FHL1: variants seen among roughly 807,000 people sequenced by gnomAD.
The protein encoded by FHL1 is four and a half LIM domains 1.
In FHL1, 1 loss-of-function variant was observed where a neutral mutation model predicts 20.3. The observed-to-expected ratio is 0.05, with a 90% CI of 0.02 to 0.23. The LOEUF (loss-of-function observed/expected upper bound fraction) is 0.23. FHL1 is among the 10% of genes least tolerant of loss of function. The pLI, the probability that FHL1 is intolerant of heterozygous loss-of-function variation, is 1.00. For missense variants in FHL1, 177 were observed against 234.0 expected (o/e 0.76, Z 1.59); for synonymous variants, 82 against 88.9 (o/e 0.92, Z 0.44).
chrX:136,206,223 G>A (rs1255281689), intron 1 of FHL1, 184 bp from the exon 2 acceptor site: 8 of 531,525 alleles, frequency 1.5e-5, no homozygotes, highest in Non-Finnish European at 2.3e-5. Context: ...TTTGTTCCTG[G>A]AATCATAGTG....
At chrX:136,182,087 T>C (rs756890309) in intron 2 of FHL1, among the ~76,000 whole-genome samples, 42 of 112,294 alleles carry the variant, frequency 3.7e-4, no homozygotes, top group African/African-American at 1.3e-3. Context: ...TCTGGAATCC[T>C]GGCATGGAGT....
At chrX:136,202,113 C>T (rs1253404149) in intron 1 of FHL1, among the ~76,000 whole-genome samples, 1 of 111,900 alleles carries the variant, frequency 8.9e-6, no homozygotes, top group Non-Finnish European at 1.9e-5. Context: ...GCCTGCAATC[C>T]CATCAAGTTG....
upstream of FHL1, among the ~76,000 whole-genome samples, chrX:136,192,931 G>A (rs2073463985): frequency 8.9e-6 from 1 of 111,917 alleles, no homozygotes; most frequent in Non-Finnish European, 1.9e-5. Flanking sequence ...TCATATCATA[G>A]TGCATGACTA....
chrX:136,156,283 CTT>C (rs761582275), intron 1 of FHL1, among the ~76,000 whole-genome samples: 19 of 97,584 alleles, frequency 1.9e-4, no homozygotes, highest in East Asian at 3.0e-4. Context: ...GTTCTATAGC[CTT>C]TTTTTTTTTT....
At chrX:136,153,656 G>A (rs1382166027) in intron 1 of FHL1, among the ~76,000 whole-genome samples, 1 of 111,826 alleles carries the variant, frequency 8.9e-6, no homozygotes, top group Non-Finnish European at 1.9e-5. Context: ...ACATTTTATT[G>A]TAGGAAAATG....
At chrX:136,197,192 C>A (rs757267706) in intron 1 of FHL1, 58 bp downstream of exon 1, 3 of 1,014,029 alleles carry the variant, frequency 3.0e-6, no homozygotes, top group Non-Finnish European at 4.1e-6. Flanking sequence ...GCAGTGAATC[C>A]GTCATTGGGC....
In FHL1 at chrX:136,207,992, G is replaced by T. The variant is rs771304662; in HGVS notation, c.549+31G>T. On this transcript the variant is annotated intron_variant, in intron 4 of 5. Transcript: ENST00000370683. ...CTTTCAAGGGAGTTCTGCATTGACC[G>T]TTGTTTCTAGAAGTGTTTGACAGTT... is the stretch of plus-strand genomic sequence containing the variant. 7 of 1,205,166 alleles carry T rather than the reference G, an allele frequency of 5.8e-6. 1 individual carries two copies. Among genetic ancestry groups the T allele is most frequent in the Non-Finnish European group, 7.9e-6 (7 of 890,232 alleles).
intron 1 of FHL1, among the ~76,000 whole-genome samples, chrX:136,203,578 A>G (rs17001983): frequency 0.019 from 2,143 of 112,147 alleles, 41 homozygotes; most frequent in African/African-American, 0.064. Flanking sequence ...TGTTACTTCT[A>G]TCTTCACTGG....
upstream of FHL1, among the ~76,000 whole-genome samples, chrX:136,167,498 C>T (rs895766899): frequency 2.7e-5 from 3 of 111,422 alleles, no homozygotes; most frequent in Admixed American, 9.6e-5. Flanking sequence ...AGCCACCACA[C>T]CCAGCCAAAA....
chrX:136,200,751 TAGC>T (rs1240695685), intron 1 of FHL1, among the ~76,000 whole-genome samples: 1 of 112,204 alleles, frequency 8.9e-6, no homozygotes, highest in Non-Finnish European at 1.9e-5. Flanking sequence ...CAAAGTATGT[TAGC>T]AGCGGGGAAT....
intron 2 of FHL1, among the ~76,000 whole-genome samples, chrX:136,175,867 A>G (rs2072989838): frequency 1.8e-5 from 2 of 112,587 alleles, no homozygotes; most frequent in Non-Finnish European, 3.7e-5. Context: ...TGTTGTTTGT[A>G]CATTTTGCTA....
intron 2 of FHL1, among the ~76,000 whole-genome samples, chrX:136,177,534 C>T (rs758309032): frequency 8.9e-6 from 1 of 112,219 alleles, no homozygotes; most frequent in Admixed American, 9.5e-5. Context: ...TAAGAATTTA[C>T]TAATTTGTTC....
upstream of FHL1, chrX:136,169,447 T>G (rs927438109): frequency 5.1e-6 from 1 of 194,848 alleles, no homozygotes; most frequent in African/African-American, 3.1e-5. Context: ...TCTAGTGACT[T>G]GTGCTCTACA....
At chrX:136,151,518 T>C (rs985433839) in intron 1 of FHL1, among the ~76,000 whole-genome samples, 6 of 111,808 alleles carry the variant, frequency 5.4e-5, no homozygotes, top group African/African-American at 2.0e-4. Context: ...TCGAGACCAG[T>C]CTGGCCAACA....
At chrX:136,187,858 A>C (rs1474019115) in intron 2 of FHL1, among the ~76,000 whole-genome samples, 2 of 112,021 alleles carry the variant, frequency 1.8e-5, no homozygotes, top group African/African-American at 3.2e-5. Flanking sequence ...TGATATATAA[A>C]TTATTTTAAA....
At chrX:136,196,859 C>G, upstream of FHL1, 1 of 1,165,191 alleles carries the variant, frequency 8.6e-7, no homozygotes, top group Non-Finnish European at 1.1e-6. Context: ...TGAGTAGCCC[C>G]GCAGGTATTT....
intron 4 of FHL1, among the ~76,000 whole-genome samples, chrX:136,208,172 G>T (rs1049186578): frequency 8.9e-6 from 1 of 112,216 alleles, no homozygotes; most frequent in African/African-American, 3.2e-5. Context: ...CAGCCTGGTG[G>T]TGCGGGTGGC....
At chrX:136,167,552 A>C (rs1446866329), upstream of FHL1, among the ~76,000 whole-genome samples, 2 of 111,326 alleles carry the variant, frequency 1.8e-5, no homozygotes, top group Admixed American at 1.9e-4. Flanking sequence ...TTAACATCTT[A>C]CAGGACTAAC....
At chrX:136,182,894 C>G (rs1322554405) in intron 2 of FHL1, 2 of 111,173 alleles carry the variant, frequency 1.8e-5, no homozygotes, top group Admixed American at 9.6e-5. Context: ...GTCAGAAGTT[C>G]GAGAGCAGCC....
Sources: gnomAD v4.1 joint callset for allele counts (sites outside exome capture counted in the v4.1 genomes callset) on GRCh38, gnomAD v4.1.1 for gene constraint, MANE v1.5 for transcripts, NCBI Gene and HGNC (gene_info 2026-07-23, HGNC 2026-07-21) for gene names.